The following FMN1 variants were observed in gnomAD, a reference collection of about 807,000 sequenced individuals.
FMN1 encodes formin 1.
Under a neutral mutation model 132.4 loss-of-function variants are expected in FMN1, and 110 were observed. The ratio of observed to expected loss-of-function variants is 0.83; its 90% CI spans 0.71 to 0.97. The LOEUF is 0.97. Ranked by LOEUF, FMN1 falls within the 50% of genes least tolerant of loss-of-function variation. The pLI is 0.00. For missense variants in FMN1, 1,792 were observed against 1,705.3 expected, an observed-to-expected ratio of 1.05 and a Z score of -0.90; for synonymous variants, 722 against 651.7, an observed-to-expected ratio of 1.11 and a Z score of -1.64.
chr15:33,011,671 T>C (rs945495762), intron 6 of FMN1, among the ~76,000 whole-genome samples: 4 of 152,140 alleles, frequency 2.6e-5, no homozygotes, highest in Admixed American at 1.3e-4. Flanking sequence ...AGAGATAACA[T>C]TCCCTACAGA....
chr15:32,829,166 C>A (rs2058442019), intron 17 of FMN1, among the ~76,000 whole-genome samples: 1 of 152,218 alleles, frequency 6.6e-6, no homozygotes. Context: ...TCTGCTTTCT[C>A]AAGGTCTACT....
chr15:32,890,895 C>G (rs2060011205), intron 15 of FMN1, among the ~76,000 whole-genome samples: 1 of 152,108 alleles, frequency 6.6e-6, no homozygotes, highest in South Asian at 2.1e-4. Context: ...AGTCCTTAAT[C>G]CATTGAGTTG....
rs1219943436 is a variant in FMN1 at position 32,981,552 on chromosome 15, T to TATC, written c.2224-12076_2224-12075insGAT. On this transcript the variant is annotated intron_variant, in intron 7 of 20. Transcript: ENST00000616417. ...TAATAATAATAATAATAATTATTAT[T>TATC]ATTATTATTATTACATTCTGTGCTA... 3.5e-5 allele frequency among the ~76,000 whole-genome samples: 5 copies of TATC among 144,764 alleles called. No individual in the cohort carries two copies. The East Asian group carries it at 9.8e-4, about 28-fold the overall frequency. 95.0% of individuals were successfully genotyped at this position (144,764 alleles called of 152,430 possible). A position where few individuals can be genotyped will look rare whatever the true frequency, so the allele number is the denominator to read the frequency against.
intron 9 of FMN1, among the ~76,000 whole-genome samples, chr15:32,962,241 C>T (rs148166887): frequency 6.6e-6 from 1 of 152,154 alleles, no homozygotes; most frequent in African/African-American, 2.4e-5. Context: ...AATACAGCAG[C>T]CACTAGGCAT....
At chr15:33,058,088 G>A (rs903998864) in intron 6 of FMN1, among the ~76,000 whole-genome samples, 3 of 151,928 alleles carry the variant, frequency 2.0e-5, no homozygotes, top group African/African-American at 7.3e-5. Context: ...GGTGTGATGG[G>A]GGTGCTGGTG....
intron 6 of FMN1, among the ~76,000 whole-genome samples, chr15:33,053,638 C>G (rs780327975): frequency 6.6e-6 from 1 of 152,088 alleles, no homozygotes; most frequent in Non-Finnish European, 1.5e-5. Flanking sequence ...CTCCCCATCT[C>G]AAGTTTGATA....
At chr15:32,904,219 G>T (rs551441858) in intron 12 of FMN1, among the ~76,000 whole-genome samples, 3 of 152,150 alleles carry the variant, frequency 2.0e-5, no homozygotes, top group East Asian at 1.9e-4. Context: ...AGTGTCATGG[G>T]GGGAACATTG....
chr15:33,014,328 A>T (rs2034911750), intron 6 of FMN1, among the ~76,000 whole-genome samples: 1 of 152,178 alleles, frequency 6.6e-6, no homozygotes, highest in African/African-American at 2.4e-5. Flanking sequence ...GAGGATGGGG[A>T]GGCAGAGGTG....
At position 33,028,728 on chromosome 15, in the gene FMN1, G is replaced by A. The variant is rs553247087; in HGVS notation, c.2162-20653C>T. Among the ~76,000 whole-genome samples the A allele has an allele frequency of 8.6e-4, 131 of 152,156 alleles. No individual in the cohort carries two copies. In the Middle Eastern group the frequency reaches 0.034, roughly 40 times the overall value. Reference sequence around the variant, plus strand: ...CAAACCTCAAGGGGCTGCTGGCCACGTGCCCTATCCAATCTCTGGGGTAGA... The same window carrying A: ...CAAACCTCAAGGGGCTGCTGGCCACATGCCCTATCCAATCTCTGGGGTAGA... On this transcript the variant is annotated intron_variant, in intron 6 of 20. Transcript: ENST00000616417.
chr15:32,895,863 T>C (rs1434570340), intron 15 of FMN1, among the ~76,000 whole-genome samples: 2 of 152,164 alleles, frequency 1.3e-5, no homozygotes, highest in Non-Finnish European at 1.5e-5. Context: ...AAATTTTAAT[T>C]AGGAATTGAA....
At chr15:33,121,051 G>A (rs972863092) in intron 4 of FMN1, among the ~76,000 whole-genome samples, 3 of 152,120 alleles carry the variant, frequency 2.0e-5, no homozygotes, top group Non-Finnish European at 2.9e-5. Flanking sequence ...ACCCAAAAAT[G>A]TAAACTGGAG....
At chr15:33,016,935 G>C (rs952045668) in intron 6 of FMN1, among the ~76,000 whole-genome samples, 6 of 152,134 alleles carry the variant, frequency 3.9e-5, no homozygotes, top group African/African-American at 1.2e-4. Flanking sequence ...AGTCATTTTT[G>C]GACCAGCTTG....
At chr15:33,105,456 T>C (rs1380556278) in intron 4 of FMN1, among the ~76,000 whole-genome samples, 2 of 152,156 alleles carry the variant, frequency 1.3e-5, no homozygotes, top group East Asian at 1.9e-4. Context: ...ATTATCTAGA[T>C]GGACTGTCAA....
chr15:33,041,199 T>G (rs1455823283), intron 6 of FMN1, among the ~76,000 whole-genome samples: 2 of 151,632 alleles, frequency 1.3e-5, no homozygotes, highest in African/African-American at 2.4e-5. Context: ...AATTAAATAA[T>G]TAAATTCAAA....
chr15:33,101,716 C>T (rs1175933150), intron 4 of FMN1, among the ~76,000 whole-genome samples: 2 of 152,104 alleles, frequency 1.3e-5, no homozygotes, highest in Admixed American at 1.3e-4. Context: ...TGTTTTAAAT[C>T]CTATCCCATC....
chr15:33,030,992 G>A (rs534423282), intron 6 of FMN1, among the ~76,000 whole-genome samples: 289 of 91,618 alleles, frequency 3.2e-3, no homozygotes, highest in African/African-American at 8.8e-3. Flanking sequence ...CCCACCCCCC[G>A]ACAGGCCCTG....
At chr15:32,775,068 G>A (rs1337154840) in intron 20 of FMN1, among the ~76,000 whole-genome samples, 1 of 152,136 alleles carries the variant, frequency 6.6e-6, no homozygotes, top group African/African-American at 2.4e-5. Context: ...GTAAATAGAA[G>A]GCTAAAATGG....
intron 6 of FMN1, among the ~76,000 whole-genome samples, chr15:33,032,768 A>T (rs1240382287): frequency 1.3e-5 from 2 of 152,138 alleles, no homozygotes; most frequent in African/African-American, 2.4e-5. Context: ...AAAGCCACAC[A>T]ATTAAGACAA....
At chr15:33,099,206 G>T (rs141498482) in intron 4 of FMN1, among the ~76,000 whole-genome samples, 67 of 152,328 alleles carry the variant, frequency 4.4e-4, no homozygotes, top group African/African-American at 1.6e-3. Context: ...TGGGAGGACT[G>T]CTTGAGCCTG....
Sources: allele counts gnomAD v4.1 joint callset (sites outside exome capture counted in the v4.1 genomes callset), GRCh38; gene constraint gnomAD v4.1.1; transcripts MANE v1.5; gene names NCBI Gene and HGNC (gene_info 2026-07-23, HGNC 2026-07-21).